Variants in DNAH11 observed in about 807,000 individuals in gnomAD.
DNAH11 encodes dynein axonemal heavy chain 11, also known as axonemal beta dynein heavy chain 11.
A neutral mutation model predicts 526.0 loss-of-function variants in DNAH11; 442 were observed. The observed-to-expected ratio is 0.84, with a 90% confidence interval of 0.78 to 0.91. The LOEUF is 0.91. Ranked by LOEUF, DNAH11 falls within the 40% of genes least tolerant of loss-of-function variation. DNAH11 has a pLI of 0.00. For synonymous variants in DNAH11, 2,461 were observed against 1,935.9 expected, an observed-to-expected ratio of 1.27 and a Z score of -7.12; for missense variants, 6,989 against 5,448.7, an observed-to-expected ratio of 1.28 and a Z score of -8.90.
chr7:21,833,858 T>C (rs866559949), intron 65 of DNAH11, among the ~76,000 whole-genome samples: 1 of 152,154 alleles, frequency 6.6e-6, no homozygotes, highest in Non-Finnish European at 1.5e-5. Flanking sequence ...ACCCTCACTC[T>C]TGAAATTTCA....
intron 61 of DNAH11, among the ~76,000 whole-genome samples, chr7:21,799,170 G>C (rs1345451860): frequency 3.3e-5 from 5 of 152,126 alleles, no homozygotes; most frequent in Non-Finnish European, 7.4e-5. Context: ...CTGAAGCATA[G>C]AGAAGGTAAA....
chr7:21,653,730 A>G (rs1239185807), intron 28 of DNAH11, among the ~76,000 whole-genome samples: 31 of 152,214 alleles, frequency 2.0e-4, no homozygotes, highest in African/African-American at 2.4e-5. Flanking sequence ...CTACCGCTCT[A>G]TCTGTGTTTA....
chr7:21,789,593 AG>A (rs1766933671), intron 61 of DNAH11, among the ~76,000 whole-genome samples: 2 of 152,270 alleles, frequency 1.3e-5, no homozygotes, highest in South Asian at 4.1e-4. Context: ...GATAGTGGAA[AG>A]GGGAGGGCAG....
intron 46 of DNAH11, among the ~76,000 whole-genome samples, chr7:21,738,438 A>G (rs1037586192): frequency 1.2e-4 from 19 of 152,168 alleles, no homozygotes; most frequent in African/African-American, 3.1e-4. Flanking sequence ...TGTGATGACA[A>G]TGTGATGTCA....
intron 2 of DNAH11, among the ~76,000 whole-genome samples, chr7:21,546,631 T>A (rs1782815121): frequency 6.6e-6 from 1 of 152,226 alleles, no homozygotes; most frequent in Non-Finnish European, 1.5e-5. Flanking sequence ...TATGATGTGT[T>A]TCCATACCAG....
At chr7:21,729,683 T>C (rs907899520) in intron 45 of DNAH11, among the ~76,000 whole-genome samples, 1 of 144,118 alleles carries the variant, frequency 6.9e-6, no homozygotes, top group Non-Finnish European at 1.5e-5. Flanking sequence ...AAGAATTGCT[T>C]TTCTGCCAGT....
chr7:21,890,818 G>A (rs1189156326), intron 76 of DNAH11, among the ~76,000 whole-genome samples: 1 of 152,156 alleles, frequency 6.6e-6, no homozygotes, highest in Non-Finnish European at 1.5e-5. Context: ...GATACTGGTG[G>A]TGAAATAGTC....
intron 54 of DNAH11, among the ~76,000 whole-genome samples, chr7:21,761,638 A>G (rs1786921166): frequency 1.3e-5 from 2 of 152,282 alleles, no homozygotes; most frequent in Non-Finnish European, 2.9e-5. Flanking sequence ...AGTTGGTCCA[A>G]GGATTTGCAT....
chr7:21,785,139 T>A (rs190059600), intron 58 of DNAH11, among the ~76,000 whole-genome samples: 1 of 152,328 alleles, frequency 6.6e-6, no homozygotes, highest in African/African-American at 2.4e-5. Context: ...AATCTCATCC[T>A]GGGGTCTTCT....
intron 64 of DNAH11, 87 bp from the exon 65 acceptor site, chr7:21,818,130 C>T (rs765925005): frequency 2.3e-5 from 30 of 1,332,752 alleles, no homozygotes; most frequent in Non-Finnish European, 3.1e-5. Flanking sequence ...AGAATATCTA[C>T]ATTAAATATA....
chr7:21,734,735 G>T (rs1229002918), intron 45 of DNAH11, among the ~76,000 whole-genome samples: 1 of 152,134 alleles, frequency 6.6e-6, no homozygotes, highest in African/African-American at 2.4e-5. Context: ...GTGCATGCCT[G>T]TAGTCTCAGC....
chr7:21,859,576 C>T (rs1407037776), intron 68 of DNAH11, among the ~76,000 whole-genome samples: 4 of 152,108 alleles, frequency 2.6e-5, no homozygotes, highest in Non-Finnish European at 5.9e-5. Context: ...GCCTTCTTAC[C>T]AATGTTTACT....
chr7:21,728,052 A>G (rs1234753337), intron 45 of DNAH11, among the ~76,000 whole-genome samples: 3 of 152,018 alleles, frequency 2.0e-5, no homozygotes, highest in Admixed American at 6.6e-5. Context: ...TTTTAACTTA[A>G]TTATCTCTTT....
At chr7:21,720,888 T>A (rs1307186914) in intron 44 of DNAH11, 32 bp downstream of exon 44, 1 of 1,603,602 alleles carries the variant, frequency 6.2e-7, no homozygotes, top group East Asian at 2.2e-5. Flanking sequence ...AGGACCAGTT[T>A]CCAGTTTTGT....
intron 66 of DNAH11, among the ~76,000 whole-genome samples, chr7:21,849,102 C>T (rs960137871): frequency 1.3e-5 from 2 of 152,228 alleles, no homozygotes; most frequent in Non-Finnish European, 2.9e-5. Flanking sequence ...TCAGGCTAGT[C>T]TCAAACTCCT....
intron 28 of DNAH11, among the ~76,000 whole-genome samples, chr7:21,652,419 G>A (rs1407138110): frequency 6.6e-6 from 1 of 152,222 alleles, no homozygotes; most frequent in African/African-American, 2.4e-5. Flanking sequence ...GCAGAGAAAA[G>A]ATGCTCGTTC....
intron 74 of DNAH11, among the ~76,000 whole-genome samples, chr7:21,879,850 C>T (rs1783848513): frequency 6.6e-6 from 1 of 152,028 alleles, no homozygotes; most frequent in Non-Finnish European, 1.5e-5. Context: ...CTTGGGAGGC[C>T]GAGCAGGGTG....
At chr7:21,563,636 C>T (rs1428360251) in intron 5 of DNAH11, among the ~76,000 whole-genome samples, 1 of 152,144 alleles carries the variant, frequency 6.6e-6, no homozygotes, top group African/African-American at 2.4e-5. Flanking sequence ...ACAACCTCAC[C>T]TCTGTCGAGT....
In DNAH11 at chr7:21,658,891, A is replaced by C. The variant is rs1782129780; in HGVS notation, c.5188A>C (p.Arg1730=). 6.2e-7 allele frequency: 1 copy of C among 1,609,696 alleles called. No homozygotes were observed. The highest frequency in any genetic ancestry group is 8.5e-7 in the Non-Finnish European group (1 of 1,178,132). The change falls in exon 30 of 82, where the codon AGG becomes CGG. Residue 1730 remains arginine, a synonymous_variant. Transcript: ENST00000409508. The stretch of plus-strand genomic sequence containing the variant: ...CATAGTGGCCTACGAGGAAAAACCT[A>C]GGGAACTGTGGATTTTTGATTTCCC... ...EAIVAYEEKP[R]ELWIFDFPAQ... is the part of the protein sequence containing the mutation.
Sources: gnomAD v4.1 joint callset for allele counts (sites outside exome capture counted in the v4.1 genomes callset) on GRCh38, gnomAD v4.1.1 for gene constraint, MANE v1.5 for transcripts, NCBI Gene and HGNC (gene_info 2026-07-23, HGNC 2026-07-21) for gene names.